The following CABP1 variants were observed in gnomAD, a reference collection of about 807,000 sequenced individuals.
The protein encoded by CABP1 is calcium-binding protein 1.
A neutral mutation model predicts 34.3 loss-of-function variants in CABP1; 17 were observed. The observed-to-expected ratio is 0.50, with a 90% CI of 0.34 to 0.74. The LOEUF is 0.74. Ranked by LOEUF, CABP1 falls within the 30% of genes least tolerant of loss-of-function variation. The pLI, the probability that CABP1 is intolerant of heterozygous loss-of-function variation, is 0.01. For synonymous variants in CABP1, 198 were observed against 229.2 expected (o/e 0.86, Z 1.23); for missense variants, 373 against 511.1 (o/e 0.73, Z 2.61).
intron 1 of CABP1, among the ~76,000 whole-genome samples, chr12:120,653,569 T>C (rs1879983570): frequency 6.6e-6 from 1 of 152,214 alleles, no homozygotes; most frequent in South Asian, 2.1e-4. Flanking sequence ...GGAGTCTCGC[T>C]CTGTTACCCA....
At chr12:120,676,900 T>C in the CABP1 span, among the ~76,000 whole-genome samples, 19 of 152,104 alleles carry the variant, frequency 1.2e-4, no homozygotes, top group African/African-American at 4.1e-4. Flanking sequence ...GACTCAACAA[T>C]TGTGTCCTTA....
Position 120,667,022 on chromosome 12 carries a change from G to A in CABP1, c.*122G>A. ...ATGTACTGGCGGATGGGGCCTGCCT[G>A]CACCCCGGGGAGGCGCCCACCCCGG... On this transcript the variant is annotated 3_prime_UTR_variant, in exon 6 of 6. Coordinates refer to ENST00000316803, the MANE Select transcript of CABP1 (RefSeq NM_001033677.2). 2 of 1,254,466 alleles carry A rather than the reference G, an allele frequency of 1.6e-6. No individual in the cohort carries two copies. The highest frequency in any genetic ancestry group is 2.2e-6 in the Non-Finnish European group (2 of 893,430). 77.7% of individuals were successfully genotyped at this position (1,254,466 alleles called of 1,614,324 possible).
At chr12:120,655,863 C>T in intron 1 of CABP1, 6 of 1,535,812 alleles carry the variant, frequency 3.9e-6, no homozygotes, top group South Asian at 2.4e-5. Flanking sequence ...GCATGTGCCA[C>T]ACAGAGGGCA....
chr12:120,663,485 A>G (rs1880783499), intron 5 of CABP1, among the ~76,000 whole-genome samples: 1 of 152,084 alleles, frequency 6.6e-6, no homozygotes, highest in African/African-American at 2.4e-5. Flanking sequence ...CATGTTGGCC[A>G]GGCTGGTCTC....
chr12:120,653,683 G>A (rs1051842401), intron 1 of CABP1, among the ~76,000 whole-genome samples: 7 of 152,234 alleles, frequency 4.6e-5, no homozygotes, highest in Admixed American at 2.6e-4. Flanking sequence ...ATGGGTGCCC[G>A]CCACCACACG....
At chr12:120,679,369 C>T in the CABP1 span, among the ~76,000 whole-genome samples, 9 of 152,318 alleles carry the variant, frequency 5.9e-5, no homozygotes, top group Admixed American at 6.5e-5. Flanking sequence ...AATCCCTCAA[C>T]TCTCTGAGCT....
intron 1 of CABP1, among the ~76,000 whole-genome samples, chr12:120,654,299 G>A (rs1839145524): frequency 6.6e-6 from 1 of 152,116 alleles, no homozygotes; most frequent in Non-Finnish European, 1.5e-5. Flanking sequence ...ACCCTCTCTA[G>A]GCCTGGAAGG....
At chr12:120,680,749 T>C in the CABP1 span, among the ~76,000 whole-genome samples, 1 of 152,086 alleles carries the variant, frequency 6.6e-6, no homozygotes, top group South Asian at 2.1e-4. Context: ...CTTTTGGATA[T>C]AATCCTGCCC....
downstream of CABP1, among the ~76,000 whole-genome samples, chr12:120,669,132 C>T (rs888617021): frequency 2.6e-5 from 4 of 152,146 alleles, no homozygotes; most frequent in South Asian, 2.1e-4. Flanking sequence ...GCAGAGCATC[C>T]GCTGCCCGCT....
At position 120,641,170 on chromosome 12, in the gene CABP1, TGCC is replaced by T; in HGVS notation, c.490_492del (p.Pro164del). On this transcript the variant is annotated inframe_deletion, in exon 1 of 6. Transcript: ENST00000316803. The surrounding 1 kb of genome is among the most constrained non-coding windows in gnomAD (Gnocchi z 6.7). ...TCCCGACCTTCGCCGTCGTCGCCGCTGCCGCCGGCCCGCGGGCGGGATGGGGAG... is the reference window on the plus strand; with the variant it reads ...TCCCGACCTTCGCCGTCGTCGCCGCTGCCGGCCCGCGGGCGGGATGGGGAG... 1 of 1,238,496 alleles carries T rather than the reference TGCC, an allele frequency of 8.1e-7. No individual in the cohort carries two copies. The allele number at this position is 1,238,496 out of a possible 1,614,324, so 76.7% of individuals were successfully genotyped here. A position where few individuals can be genotyped will look rare whatever the true frequency, so the allele number is the denominator to read the frequency against.
At chr12:120,666,203 TAAAAAAAA>T (rs78315987) in intron 5 of CABP1, among the ~76,000 whole-genome samples, 20 of 107,050 alleles carry the variant, frequency 1.9e-4, no homozygotes, top group African/African-American at 6.7e-4. Flanking sequence ...GTCTCTACAT[TAAAAAAAA>T]AAAAAAAAAA....
intron 1 of CABP1, chr12:120,656,365 A>AC (rs1204565578): frequency 8.1e-7 from 1 of 1,228,412 alleles, no homozygotes; most frequent in African/African-American, 1.5e-5. Flanking sequence ...CAGAGCTCAC[A>AC]CCCCCAACTT....
chr12:120,678,037 C>A, the CABP1 span, among the ~76,000 whole-genome samples: 1 of 152,162 alleles, frequency 6.6e-6, no homozygotes, highest in African/African-American at 2.4e-5. Flanking sequence ...GGCTCCCCAC[C>A]TCTCTGGATG....
At chr12:120,673,159 G>C in the CABP1 span, among the ~76,000 whole-genome samples, 1 of 152,238 alleles carries the variant, frequency 6.6e-6, no homozygotes, top group Non-Finnish European at 1.5e-5. Flanking sequence ...ACAGAGAGGA[G>C]CTTCTGGGGT....
At chr12:120,664,802 G>A (rs1293613375) in intron 5 of CABP1, among the ~76,000 whole-genome samples, 1 of 151,866 alleles carries the variant, frequency 6.6e-6, no homozygotes, top group African/African-American at 2.4e-5. Context: ...TTGAACCCGG[G>A]AGGCGGAGGT....
intron 5 of CABP1, among the ~76,000 whole-genome samples, chr12:120,665,101 G>T (rs1880887225): frequency 6.6e-6 from 1 of 151,990 alleles, no homozygotes; most frequent in Non-Finnish European, 1.5e-5. Flanking sequence ...AATAGGCAGA[G>T]AAGAGAAGAT....
chr12:120,648,319 C>G (rs1370178751), intron 1 of CABP1, among the ~76,000 whole-genome samples: 1 of 152,160 alleles, frequency 6.6e-6, no homozygotes, highest in East Asian at 1.9e-4. Context: ...GCTCTAATAT[C>G]TCCTGCCCAC....
intron 1 of CABP1, among the ~76,000 whole-genome samples, chr12:120,647,879 G>A (rs1386463890): frequency 2.6e-5 from 4 of 151,366 alleles, no homozygotes; most frequent in Non-Finnish European, 4.4e-5. Context: ...ACCACGCCCC[G>A]CCCCAAGCTC....
At chr12:120,680,399 G>T in the CABP1 span, among the ~76,000 whole-genome samples, 2 of 152,168 alleles carry the variant, frequency 1.3e-5, no homozygotes, top group East Asian at 1.9e-4. Context: ...CCCAAATCTT[G>T]GTTCCTGTTA....
Sources: allele counts gnomAD v4.1 joint callset (sites outside exome capture counted in the v4.1 genomes callset), GRCh38; gene constraint gnomAD v4.1.1; non-coding constraint Gnocchi (gnomAD v3.1); transcripts MANE v1.5; gene names NCBI Gene and HGNC (gene_info 2026-07-23, HGNC 2026-07-21).